The following TSFM variants were observed in gnomAD, a reference collection of about 807,000 sequenced individuals.
The protein encoded by TSFM is elongation factor Ts, mitochondrial.
In TSFM, 29 loss-of-function variants were observed where a neutral mutation model predicts 33.4. The observed-to-expected ratio is 0.87, with a 90% CI of 0.65 to 1.18. The LOEUF is 1.18. Among genes scored for constraint, TSFM ranks in the 50% most tolerant of loss-of-function variants. The pLI is 0.00. For missense variants in TSFM, 394 were observed against 395.6 expected (o/e 1.00, Z 0.04); for synonymous variants, 178 against 163.5 (o/e 1.09, Z -0.68).
At chr12:57,797,993 A>G (rs2140431620), downstream of TSFM, 4 of 1,592,626 alleles carry the variant, frequency 2.5e-6, no homozygotes, top group Non-Finnish European at 1.7e-6. Context: ...CAGAGAGGTA[A>G]TTCTAAGAGA....
In TSFM at chr12:57,788,685, A is replaced by C. The variant is rs926966266; in HGVS notation, c.483+1523A>C. Among the ~76,000 whole-genome samples the C allele has an allele frequency of 2.6e-5, 4 of 152,240 alleles. No individual in the cohort carries two copies. The South Asian group carries it at 8.3e-4, about 32-fold the overall frequency. Reference sequence around the variant, plus strand: ...GATCTGGCTTTCTTGCCCAGCCTGGAGTGCAGTGGCACAATCATTGTTCAC... The same window carrying C: ...GATCTGGCTTTCTTGCCCAGCCTGGCGTGCAGTGGCACAATCATTGTTCAC... On this transcript the variant is annotated intron_variant, in intron 4 of 5. Transcript: ENST00000652027.
rs1349854452 is a variant in TSFM at position 57,793,063 on chromosome 12, T to A, written c.561T>A (p.Ala187=). The A allele has an allele frequency of 1.9e-6, 3 of 1,613,198 alleles. No individual in the cohort carries two copies. Among genetic ancestry groups the A allele is most frequent in the African/African-American group, 2.7e-5 (2 of 74,886 alleles). The change falls in exon 5 of 6, where the codon GCT becomes GCA. Residue 187 remains alanine (A), a synonymous_variant. Coordinates refer to ENST00000652027, the MANE Select transcript of TSFM (RefSeq NM_005726.6). ...AAGGCTCACTCAAGGATCAGTTGGC[T>A]TTAGCAATTGGTGAGTATTTGTAAA... ...DREGSLKDQL[A]LAIGKLGENM... is the part of the protein sequence containing the mutation.
chr12:57,785,695 G>C (rs1452981030), intron 2 of TSFM, among the ~76,000 whole-genome samples: 2 of 152,156 alleles, frequency 1.3e-5, no homozygotes, highest in Admixed American at 6.5e-5. Context: ...CAAGTATCAT[G>C]TACTATATGT....
chr12:57,799,965 G>A, downstream of TSFM: 1 of 1,609,268 alleles, frequency 6.2e-7, no homozygotes, highest in Admixed American at 1.7e-5. Context: ...ACTCCTCAGT[G>A]TCTGTGTGGT....
rs1462430473 is a variant in TSFM at position 57,786,273 on chromosome 12, C to T, written c.342C>T (p.Asn114=). 2 of 1,612,202 alleles carry T rather than the reference C, an allele frequency of 1.2e-6. No individual in the cohort carries two copies. Among genetic ancestry groups the T allele is most frequent in the South Asian group, 2.2e-5 (2 of 90,684 alleles). ...TGATTGGGCTGTTGCAGGAAGGAAA[C>T]ACAACTGTATTAGTAGAGGTGAGTT... ...EGLIGLLQEG[N]TTVLVEVNCE... The change falls in exon 3 of 6, where the codon AAC becomes AAT. Residue 114 remains asparagine, a synonymous_variant. Transcript: ENST00000652027.
chr12:57,788,611 A>G (rs1955621264), intron 4 of TSFM, among the ~76,000 whole-genome samples: 1 of 151,894 alleles, frequency 6.6e-6, no homozygotes, highest in Non-Finnish European at 1.5e-5. Context: ...GCCATTTATT[A>G]ACATTTTGCT....
chr12:57,788,782 A>G (rs1436365511), intron 4 of TSFM, among the ~76,000 whole-genome samples: 1 of 151,772 alleles, frequency 6.6e-6, no homozygotes, highest in Non-Finnish European at 1.5e-5. Flanking sequence ...CTACATGTGC[A>G]CACCACTATG....
chr12:57,800,053 G>A, downstream of TSFM: 1 of 1,228,710 alleles, frequency 8.1e-7, no homozygotes, highest in East Asian at 2.4e-5. Flanking sequence ...TGATAACAAT[G>A]CTCCCCAAAC....
At chr12:57,783,029 A>C in intron 1 of TSFM, 81 bp from the exon 2 acceptor site, 1 of 1,533,776 alleles carries the variant, frequency 6.5e-7, no homozygotes, top group Non-Finnish European at 8.8e-7. Context: ...CCGCTCCCTA[A>C]GGTCGCTTCC....
intron 4 of TSFM, among the ~76,000 whole-genome samples, chr12:57,787,457 C>G (rs2140418449): frequency 6.6e-6 from 1 of 152,250 alleles, no homozygotes; most frequent in South Asian, 2.1e-4. Context: ...ACTGTTGTAT[C>G]TCTGGTGAAA....
In TSFM at chr12:57,782,987, C is replaced by T; in HGVS notation, c.58-123C>T. ...CCCGACAGCATTGCCTCTGCCCAGT[C>T]CAGCCCCGGTGCACCCCCCTTTGCA... On this transcript the variant is annotated intron_variant, in intron 1 of 5. Transcript: ENST00000652027. 2.0e-6 allele frequency: 3 copies of T among 1,472,000 alleles called. No homozygotes were observed. In the South Asian group the frequency reaches 3.9e-5, roughly 19 times the overall value. The allele number at this position is 1,472,000 out of a possible 1,614,324, so 91.2% of individuals were successfully genotyped here. A position where few individuals can be genotyped will look rare whatever the true frequency, so the allele number is the denominator to read the frequency against.
At chr12:57,793,367 C>T (rs548941199) in intron 5 of TSFM, among the ~76,000 whole-genome samples, 1 of 152,250 alleles carries the variant, frequency 6.6e-6, no homozygotes, top group South Asian at 2.1e-4. Flanking sequence ...GGACTACAGG[C>T]GCCTGCCATC....
At chr12:57,791,294 G>T (rs1303266335) in intron 4 of TSFM, among the ~76,000 whole-genome samples, 1 of 152,154 alleles carries the variant, frequency 6.6e-6, no homozygotes, top group Non-Finnish European at 1.5e-5. Context: ...ACAGGCGTGG[G>T]CCACCGCGCC....
downstream of TSFM, chr12:57,801,314 G>T: frequency 1.1e-6 from 1 of 883,514 alleles, no homozygotes; most frequent in Non-Finnish European, 1.8e-6. Context: ...GAGCCAGGGA[G>T]TCAGAAGACA....
chr12:57,783,794 T>C (rs953782048), intron 2 of TSFM: 2 of 609,268 alleles, frequency 3.3e-6, no homozygotes, highest in Admixed American at 6.0e-5. Context: ...TTTTGTATTT[T>C]TAGTAGAGAT....
chr12:57,786,308 TC>T lies in TSFM; in HGVS notation c.360+19del. 6.2e-7 allele frequency: 1 copy of T among 1,607,698 alleles called. No homozygotes were observed. Among genetic ancestry groups the T allele is most frequent in the Non-Finnish European group, 8.5e-7 (1 of 1,176,438 alleles). On this transcript the variant is annotated intron_variant, in intron 3 of 5. Coordinates refer to ENST00000652027, the MANE Select transcript of TSFM (RefSeq NM_005726.6). ...TTAGTAGAGGTGAGTTGTTGGAAAT[TC>T]CAGATACCAAGAACAGCTGTCCCTT...
chr12:57,785,732 A>G (rs1243713651), intron 2 of TSFM, among the ~76,000 whole-genome samples: 4 of 152,236 alleles, frequency 2.6e-5, no homozygotes, highest in African/African-American at 9.6e-5. Context: ...CTTTAATAGG[A>G]CTGGCAGCAC....
intron 3 of TSFM, among the ~76,000 whole-genome samples, 163 bp downstream of exon 3, chr12:57,786,454 G>A (rs1009216724): frequency 2.4e-4 from 37 of 152,326 alleles, no homozygotes; most frequent in African/African-American, 8.4e-4. Flanking sequence ...TTACGAATTC[G>A]TTTAAGTATA....
chr12:57,783,395 C>A, intron 2 of TSFM, 112 bp downstream of exon 2: 2 of 1,322,336 alleles, frequency 1.5e-6, no homozygotes, highest in East Asian at 2.3e-5. Context: ...CATAATGGCA[C>A]AGTCCTAAGT....
Sources: allele counts gnomAD v4.1 joint callset (sites outside exome capture counted in the v4.1 genomes callset), GRCh38; gene constraint gnomAD v4.1.1; transcripts MANE v1.5; gene names NCBI Gene and HGNC (gene_info 2026-07-23, HGNC 2026-07-21).